The following INTS9 variants were observed in gnomAD, a reference collection of about 807,000 sequenced individuals.
The protein encoded by INTS9 is protein related to CPSF subunits of 74 kDa.
In INTS9, 55 loss-of-function variants were observed where a neutral mutation model predicts 79.7. The ratio of observed to expected loss-of-function variants is 0.69; its 90% CI spans 0.56 to 0.86. INTS9 has a LOEUF of 0.86. INTS9 is among the 40% of genes least tolerant of loss of function. The pLI is 0.00. For synonymous variants in INTS9, 319 were observed against 325.2 expected (o/e 0.98, Z 0.20); for missense variants, 721 against 831.5 (o/e 0.87, Z 1.64).
intron 6 of INTS9, among the ~76,000 whole-genome samples, chr8:28,829,993 C>T (rs184043638): frequency 8.9e-4 from 134 of 150,818 alleles, no homozygotes; most frequent in Non-Finnish European, 1.6e-3. Context: ...GCCCTGTAGG[C>T]ATTGTAGACC....
intron 1 of INTS9, among the ~76,000 whole-genome samples, chr8:28,868,554 T>C (rs1346451419): frequency 1.3e-5 from 2 of 152,208 alleles, no homozygotes; most frequent in East Asian, 1.9e-4. Flanking sequence ...CATCATCCAA[T>C]AGCTCATTTG....
chr8:28,846,231 T>C (rs1223501300), intron 4 of INTS9, among the ~76,000 whole-genome samples: 1 of 152,230 alleles, frequency 6.6e-6, no homozygotes, highest in African/African-American at 2.4e-5. Flanking sequence ...AGGATGAAAC[T>C]GGCCCCACAC....
intron 1 of INTS9, among the ~76,000 whole-genome samples, chr8:28,884,693 C>T (rs1230236003): frequency 6.6e-6 from 1 of 152,090 alleles, no homozygotes; most frequent in Non-Finnish European, 1.5e-5. Context: ...TAAAATATGA[C>T]CTTTGAAAAG....
chr8:28,841,065 G>A (rs917926703), intron 4 of INTS9, among the ~76,000 whole-genome samples: 19 of 151,996 alleles, frequency 1.3e-4, no homozygotes, highest in African/African-American at 4.6e-4. Context: ...CAAATAAAAC[G>A]AGTAACTTAA....
At chr8:28,865,488 A>AG (rs1478627824) in intron 1 of INTS9, among the ~76,000 whole-genome samples, 1 of 151,730 alleles carries the variant, frequency 6.6e-6, no homozygotes, top group Admixed American at 6.6e-5. Flanking sequence ...AAAAAAAAAA[A>AG]GTAAAATTTT....
At chr8:28,853,743 G>A (rs1011763234) in intron 2 of INTS9, among the ~76,000 whole-genome samples, 3 of 152,022 alleles carry the variant, frequency 2.0e-5, no homozygotes, top group South Asian at 2.1e-4. Context: ...AAATACTGAA[G>A]AGAAGATTGA....
intron 6 of INTS9, among the ~76,000 whole-genome samples, chr8:28,831,975 G>A (rs1341043788): frequency 6.6e-6 from 1 of 152,184 alleles, no homozygotes; most frequent in Non-Finnish European, 1.5e-5. Context: ...AAAGTGATGG[G>A]ATTACAGGCC....
intron 2 of INTS9, among the ~76,000 whole-genome samples, chr8:28,859,064 CTA>C (rs1808317545): frequency 6.6e-6 from 1 of 151,480 alleles, no homozygotes. Context: ...ATGTCAGACT[CTA>C]TGCTGTTAAG....
rs142337528 is a variant in INTS9 at position 28,855,984 on chromosome 8, A to G, written c.137+3452T>C. Among the ~76,000 whole-genome samples the G allele has an allele frequency of 1.9e-4, 29 of 152,370 alleles. No individual in the cohort carries two copies. The East Asian group carries it at 5.6e-3, about 29-fold the overall frequency. On this transcript the variant is annotated intron_variant, in intron 2 of 16. Coordinates refer to ENST00000521022, the MANE Select transcript of INTS9 (RefSeq NM_018250.4). ...TTTGTTAAAATGCCAATAAATTGGT[A>G]AAGGCAATTAGGAATTGCTTGTACT...
At chr8:28,850,353 A>G in intron 2 of INTS9, 80 bp from the exon 3 acceptor site, 1 of 1,159,312 alleles carries the variant, frequency 8.6e-7, no homozygotes, top group Non-Finnish European at 1.3e-6. Flanking sequence ...TACTGTCTCC[A>G]TAAAGTTAAG....
intron 1 of INTS9, among the ~76,000 whole-genome samples, chr8:28,865,270 C>T (rs1215152685): frequency 6.6e-6 from 1 of 151,424 alleles, no homozygotes; most frequent in Non-Finnish European, 1.5e-5. Flanking sequence ...AAAAAAAACA[C>T]ATTAGACAAT....
chr8:28,812,070 T>C (rs1314796610), intron 8 of INTS9, among the ~76,000 whole-genome samples: 1 of 152,228 alleles, frequency 6.6e-6, no homozygotes, highest in African/African-American at 2.4e-5. Flanking sequence ...TAACCATCTG[T>C]GTCCCACATC....
chr8:28,774,221 T>C (rs2130860224), intron 14 of INTS9, among the ~76,000 whole-genome samples: 1 of 152,324 alleles, frequency 6.6e-6, no homozygotes, highest in Admixed American at 6.5e-5. Flanking sequence ...GGCAAATACA[T>C]CAAAATCTTA....
intron 8 of INTS9, among the ~76,000 whole-genome samples, chr8:28,806,232 A>AAAAAC (rs1245331298): frequency 4.4e-4 from 67 of 152,338 alleles, no homozygotes; most frequent in African/African-American, 1.6e-3. Context: ...CTTGTCTCAA[A>AAAAAC]AAAACAAAAC....
chr8:28,769,743 A>AG, intron 16 of INTS9, 146 bp downstream of exon 16: 1 of 1,013,266 alleles, frequency 9.9e-7, no homozygotes. Context: ...GTCTCCCAGC[A>AG]GGACCTTAGA....
chr8:28,875,736 C>T (rs1430435222), intron 1 of INTS9, among the ~76,000 whole-genome samples: 2 of 152,050 alleles, frequency 1.3e-5, no homozygotes, highest in Admixed American at 6.5e-5. Context: ...ATCACCAAAA[C>T]GTTATATTCT....
intron 3 of INTS9, among the ~76,000 whole-genome samples, chr8:28,849,758 T>A (rs1316084164): frequency 1.3e-5 from 2 of 152,116 alleles, no homozygotes; most frequent in African/African-American, 2.4e-5. Context: ...AGACCCAAGC[T>A]TTTTACAAAG....
At chr8:28,881,815 C>G (rs1365491145) in intron 1 of INTS9, among the ~76,000 whole-genome samples, 1 of 142,726 alleles carries the variant, frequency 7.0e-6, no homozygotes, top group African/African-American at 2.6e-5. Context: ...CCAGCCGCCC[C>G]GTCCGGGAGG....
chr8:28,831,364 C>A (rs1806478116), intron 6 of INTS9, among the ~76,000 whole-genome samples: 1 of 152,212 alleles, frequency 6.6e-6, no homozygotes, highest in Admixed American at 6.5e-5. Context: ...TGGGGCTTAA[C>A]ACCTAGGTGA....
Sources: allele counts gnomAD v4.1 joint callset (sites outside exome capture counted in the v4.1 genomes callset), GRCh38; gene constraint gnomAD v4.1.1; transcripts MANE v1.5; gene names NCBI Gene and HGNC (gene_info 2026-07-23, HGNC 2026-07-21).